Variants in GDPD1 observed in about 807,000 individuals in gnomAD.
GDPD1 encodes the protein lysophospholipase D GDPD1.
In GDPD1, 28 loss-of-function variants were observed where a neutral mutation model predicts 45.1. That is an observed-to-expected ratio of 0.62 (90% CI 0.46 to 0.85). The LOEUF is 0.85. GDPD1 is among the 40% of genes least tolerant of loss of function. The probability of loss-of-function intolerance (pLI) is 0.00; values close to 1 mark genes in which losing one functional copy is unlikely to be tolerated. For missense variants in GDPD1, 256 were observed against 364.8 expected, an observed-to-expected ratio of 0.70 and a Z score of 2.43; for synonymous variants, 139 against 131.4, an observed-to-expected ratio of 1.06 and a Z score of -0.40.
chr17:59,239,130 G>C (rs1466644016), intron 2 of GDPD1, among the ~76,000 whole-genome samples: 1 of 152,232 alleles, frequency 6.6e-6, no homozygotes, highest in Non-Finnish European at 1.5e-5. Context: ...TTGGCAGACA[G>C]CCAGAGTAAT....
At chr17:59,243,753 A>G (rs1335004285) in intron 2 of GDPD1, among the ~76,000 whole-genome samples, 2 of 152,202 alleles carry the variant, frequency 1.3e-5, no homozygotes, top group Non-Finnish European at 2.9e-5. Context: ...ATTACATACT[A>G]TGGATTTGGA....
intron 4 of GDPD1, among the ~76,000 whole-genome samples, chr17:59,252,985 C>CT (rs913777463): frequency 1.3e-5 from 2 of 152,156 alleles, no homozygotes; most frequent in African/African-American, 4.8e-5. Context: ...CAGATCGAGA[C>CT]TGTCTCAACA....
At chr17:59,259,513 G>A (rs1248038967) in intron 6 of GDPD1, among the ~76,000 whole-genome samples, 1 of 141,702 alleles carries the variant, frequency 7.1e-6, no homozygotes, top group Admixed American at 7.5e-5. Context: ...CTTGCAGTGA[G>A]CCGAGATCGC....
intron 4 of GDPD1, among the ~76,000 whole-genome samples, chr17:59,251,612 C>G (rs2047254694): frequency 6.6e-6 from 1 of 152,014 alleles, no homozygotes; most frequent in Non-Finnish European, 1.5e-5. Context: ...AATAAGCTTT[C>G]ATTTTATATT....
intron 6 of GDPD1, among the ~76,000 whole-genome samples, chr17:59,262,114 G>GT (rs1361143186): frequency 6.6e-6 from 1 of 151,000 alleles, no homozygotes; most frequent in Non-Finnish European, 1.5e-5. Flanking sequence ...TAGAGACGGG[G>GT]TTTCACCGTT....
At chr17:59,252,914 A>C (rs1389504772) in intron 4 of GDPD1, among the ~76,000 whole-genome samples, 1 of 151,538 alleles carries the variant, frequency 6.6e-6, no homozygotes, top group Admixed American at 6.6e-5. Flanking sequence ...GAATCGCTGA[A>C]ACCCAGGAGG....
chr17:59,253,568 A>G (rs2047272442), intron 4 of GDPD1, among the ~76,000 whole-genome samples: 1 of 152,100 alleles, frequency 6.6e-6, no homozygotes, highest in Non-Finnish European at 1.5e-5. Flanking sequence ...TAGTTTTCTC[A>G]TTCTCTCGCT....
At chr17:59,262,626 TTTG>T (rs1360422085) in intron 6 of GDPD1, among the ~76,000 whole-genome samples, 1 of 100,490 alleles carries the variant, frequency 1.0e-5, no homozygotes, top group African/African-American at 2.8e-5. Flanking sequence ...GTATCTTGGT[TTTG>T]TTTTTTTTTG....
intron 2 of GDPD1, among the ~76,000 whole-genome samples, chr17:59,240,412 AAG>A (rs1331247450): frequency 2.6e-5 from 4 of 152,124 alleles, no homozygotes; most frequent in East Asian, 3.8e-4. Context: ...ATTATTACGA[AAG>A]AGTCAAGTTT....
At chr17:59,269,833 A>G (rs2047431397) in intron 7 of GDPD1, among the ~76,000 whole-genome samples, 1 of 152,110 alleles carries the variant, frequency 6.6e-6, no homozygotes, top group Non-Finnish European at 1.5e-5. Context: ...TAAATAAATA[A>G]ATAAAACATT....
chr17:59,220,926 A>T lies in GDPD1; in HGVS notation c.142+175A>T, dbSNP rs2046999044. Among the ~76,000 whole-genome samples, 3 of 151,718 alleles carry T rather than the reference A, an allele frequency of 2.0e-5. 1 individual carries two copies. Among genetic ancestry groups the T allele is most frequent in the Non-Finnish European group, 2.9e-5 (2 of 67,948 alleles). ...TGTGAAGGGAAGGTCTCCTGAGGGG[A>T]GGGAAGGAGAGGGATTCCCGGTCAG... On this transcript the variant is annotated intron_variant, in intron 1 of 9. Transcript: ENST00000284116.
intron 1 of GDPD1, among the ~76,000 whole-genome samples, chr17:59,227,091 T>C (rs1034967167): frequency 6.6e-5 from 10 of 152,172 alleles, no homozygotes; most frequent in Non-Finnish European, 8.8e-5. Context: ...TTTTTCTGTA[T>C]ATTTCATCAA....
At chr17:59,272,730 C>A in intron 8 of GDPD1, 55 bp from the exon 9 acceptor site, 1 of 1,010,014 alleles carries the variant, frequency 9.9e-7, no homozygotes, top group Non-Finnish European at 1.6e-6. Context: ...TCTAAATTGA[C>A]TAAATTAGGA....
At chr17:59,255,855 A>T (rs201732434) in intron 4 of GDPD1, among the ~76,000 whole-genome samples, 1 of 82,920 alleles carries the variant, frequency 1.2e-5, no homozygotes, top group Non-Finnish European at 2.0e-5. Context: ...ATATATACAC[A>T]CGTATATATA....
intron 1 of GDPD1, among the ~76,000 whole-genome samples, chr17:59,227,296 A>G (rs1568337229): frequency 1.3e-5 from 2 of 151,828 alleles, no homozygotes; most frequent in East Asian, 3.9e-4. Context: ...GCATGTGCTT[A>G]CAGTCCTAGC....
intron 3 of GDPD1, among the ~76,000 whole-genome samples, chr17:59,246,154 T>G (rs796313142): frequency 1.3e-5 from 2 of 152,126 alleles, no homozygotes; most frequent in African/African-American, 4.8e-5. Flanking sequence ...ATATATTCAT[T>G]ATAGTAAATA....
At chr17:59,221,647 T>G (rs2047006000) in intron 1 of GDPD1, among the ~76,000 whole-genome samples, 1 of 152,142 alleles carries the variant, frequency 6.6e-6, no homozygotes, top group Admixed American at 6.5e-5. Context: ...AATCTTTGCT[T>G]CTTCATTATT....
chr17:59,272,640 T>C, intron 8 of GDPD1, 145 bp from the exon 9 acceptor site: 1 of 592,840 alleles, frequency 1.7e-6, no homozygotes, highest in South Asian at 2.0e-5. Context: ...CATAAATTAA[T>C]TCACAACAGC....
At chr17:59,252,720 C>A (rs1257372110) in intron 4 of GDPD1, among the ~76,000 whole-genome samples, 1 of 143,708 alleles carries the variant, frequency 7.0e-6, no homozygotes, top group East Asian at 2.1e-4. Flanking sequence ...GCTGAATTGG[C>A]CTGGTGCGGT....
Sources: allele counts gnomAD v4.1 joint callset (sites outside exome capture counted in the v4.1 genomes callset), GRCh38; gene constraint gnomAD v4.1.1; transcripts MANE v1.5; gene names NCBI Gene and HGNC (gene_info 2026-07-23, HGNC 2026-07-21).